TENM2: variants seen among roughly 807,000 people sequenced by gnomAD.
TENM2 encodes the protein teneurin transmembrane protein 2.
A neutral mutation model predicts 245.2 loss-of-function variants in TENM2; 52 were observed. The observed-to-expected ratio is 0.21, with a 90% CI of 0.17 to 0.27. The LOEUF is 0.27. TENM2 is among the 10% of genes least tolerant of loss of function. TENM2 has a pLI of 1.00. For synonymous variants in TENM2, 1,363 were observed against 1,438.9 expected, an observed-to-expected ratio of 0.95 and a Z score of 1.19; for missense variants, 3,046 against 3,666.8, an observed-to-expected ratio of 0.83 and a Z score of 4.37.
chr5:168,204,518 G>C, exon 19 of TENM2: 1 of 1,614,054 alleles, frequency 6.2e-7, no homozygotes, highest in South Asian at 1.1e-5. Flanking sequence ...GCTGGCCCCA[G>C]TGGCTCTGGC....
At chr5:167,519,837 C>T (rs948738870) in intron 2 of TENM2, among the ~76,000 whole-genome samples, 2 of 152,178 alleles carry the variant, frequency 1.3e-5, no homozygotes, top group Middle Eastern at 3.4e-3. Context: ...ACAGTCAGTT[C>T]GGATTTATAT....
At chr5:168,165,647 A>AC (rs1562237614) in intron 13 of TENM2, among the ~76,000 whole-genome samples, 7 of 15,906 alleles carry the variant, frequency 4.4e-4, no homozygotes, top group South Asian at 3.0e-3. Flanking sequence ...TCCCCCCCCC[A>AC]ACCCCCCCCC....
At chr5:167,125,461 T>C in the TENM2 span, among the ~76,000 whole-genome samples, 6 of 152,330 alleles carry the variant, frequency 3.9e-5, no homozygotes, top group South Asian at 1.0e-3. Context: ...TTTGATGTTA[T>C]GTAGGTGCCA....
At chr5:167,997,208 A>C (rs1359053167) in intron 5 of TENM2, among the ~76,000 whole-genome samples, 2 of 152,184 alleles carry the variant, frequency 1.3e-5, no homozygotes, top group Non-Finnish European at 2.9e-5. Flanking sequence ...CAGGGCGAGC[A>C]CTAGGCCCTT....
At chr5:167,434,926 A>G (rs1190717027) in intron 2 of TENM2, among the ~76,000 whole-genome samples, 1 of 152,230 alleles carries the variant, frequency 6.6e-6, no homozygotes, top group African/African-American at 2.4e-5. Context: ...TGAGTTGAAT[A>G]TGTCAAATTA....
intron 2 of TENM2, among the ~76,000 whole-genome samples, chr5:167,459,463 G>C (rs544863537): frequency 4.0e-4 from 61 of 152,252 alleles, no homozygotes; most frequent in Non-Finnish European, 7.9e-4. Flanking sequence ...GTACATGGTT[G>C]TATAAATATC....
chr5:167,903,059 T>G (rs1274093478), intron 3 of TENM2, among the ~76,000 whole-genome samples: 1 of 152,248 alleles, frequency 6.6e-6, no homozygotes, highest in Non-Finnish European at 1.5e-5. Context: ...TATACATATA[T>G]CATAGCATCA....
chr5:167,004,198 G>A, the TENM2 span, among the ~76,000 whole-genome samples: 1 of 152,150 alleles, frequency 6.6e-6, no homozygotes, highest in Admixed American at 6.5e-5. Context: ...TAAAATTGGA[G>A]ATCAAAATAT....
At chr5:167,095,931 T>A in the TENM2 span, among the ~76,000 whole-genome samples, 1 of 151,938 alleles carries the variant, frequency 6.6e-6, no homozygotes, top group African/African-American at 2.4e-5. Context: ...CCACCACACC[T>A]GGTTAATTTT....
intron 2 of TENM2, among the ~76,000 whole-genome samples, chr5:167,546,006 C>T (rs1321260875): frequency 6.6e-6 from 1 of 152,144 alleles, no homozygotes; most frequent in Non-Finnish European, 1.5e-5. Flanking sequence ...TGACACTTAT[C>T]ACATATGAAG....
At chr5:167,402,053 A>G (rs1197709629) in intron 2 of TENM2, among the ~76,000 whole-genome samples, 1 of 152,104 alleles carries the variant, frequency 6.6e-6, no homozygotes, top group East Asian at 1.9e-4. Flanking sequence ...AAATAAGAGA[A>G]TATTGTCAGT....
intron 4 of TENM2, among the ~76,000 whole-genome samples, chr5:167,966,301 T>G (rs1002072648): frequency 6.6e-6 from 1 of 152,204 alleles, no homozygotes; most frequent in Non-Finnish European, 1.5e-5. Context: ...AGGATCTTTT[T>G]CATTCTAAAC....
At chr5:167,251,691 C>A in the TENM2 span, among the ~76,000 whole-genome samples, 10 of 152,192 alleles carry the variant, frequency 6.6e-5, no homozygotes, top group East Asian at 1.9e-3. Context: ...ATCCTACGAA[C>A]CTTCTGAATT....
chr5:167,270,395 C>T, the TENM2 span, among the ~76,000 whole-genome samples: 1,095 of 152,170 alleles, frequency 7.2e-3, 13 homozygotes, highest in African/African-American at 0.025. Flanking sequence ...AATTGAGCAT[C>T]TATTATTAGG....
At chr5:167,218,913 C>A in the TENM2 span, among the ~76,000 whole-genome samples, 1 of 152,104 alleles carries the variant, frequency 6.6e-6, no homozygotes, top group African/African-American at 2.4e-5. Flanking sequence ...CCAGTTGAGG[C>A]ACAGAGAATT....
chr5:167,635,039 A>G (rs560314155), intron 2 of TENM2, among the ~76,000 whole-genome samples: 10 of 152,242 alleles, frequency 6.6e-5, no homozygotes, highest in African/African-American at 2.4e-4. Context: ...TTAAATATTG[A>G]CTTTGCCATT....
intron 6 of TENM2, among the ~76,000 whole-genome samples, chr5:168,059,892 C>T (rs1789882571): frequency 1.3e-5 from 2 of 152,130 alleles, no homozygotes; most frequent in African/African-American, 4.8e-5. Context: ...CTCAGTAAAA[C>T]CTTATAACAA....
At chr5:167,083,362 A>T in the TENM2 span, among the ~76,000 whole-genome samples, 1 of 152,142 alleles carries the variant, frequency 6.6e-6, no homozygotes, top group African/African-American at 2.4e-5. Flanking sequence ...CTTATTACTA[A>T]ATCTCCACTG....
chr5:167,739,198 G>T (rs1761004179), intron 2 of TENM2, among the ~76,000 whole-genome samples: 1 of 152,178 alleles, frequency 6.6e-6, no homozygotes, highest in Non-Finnish European at 1.5e-5. Context: ...GCCATGGGTA[G>T]GGTGTAGATT....
Sources: gnomAD v4.1 joint callset for allele counts (sites outside exome capture counted in the v4.1 genomes callset) on GRCh38, gnomAD v4.1.1 for gene constraint, MANE v1.5 for transcripts, NCBI Gene and HGNC (gene_info 2026-07-23, HGNC 2026-07-21) for gene names.